Variants in UBE3D observed in about 807,000 individuals in gnomAD.
The protein encoded by UBE3D is ubiquitin protein ligase E3D, also known as E3 ubiquitin-protein ligase E3D.
Under a neutral mutation model 49.6 loss-of-function variants are expected in UBE3D, and 48 were observed. The ratio of observed to expected loss-of-function variants is 0.97; its 90% CI spans 0.77 to 1.23. The LOEUF is 1.23. Ranked by LOEUF, UBE3D falls within the 50% of genes most tolerant of loss-of-function variation. The pLI, the probability that UBE3D is intolerant of heterozygous loss-of-function variation, is 0.00. For missense variants in UBE3D, 452 were observed against 468.4 expected (o/e 0.96, Z 0.32); for synonymous variants, 189 against 174.2 (o/e 1.08, Z -0.67).
intron 8 of UBE3D, among the ~76,000 whole-genome samples, chr6:82,973,703 T>C (rs760078441): frequency 5.9e-5 from 9 of 152,246 alleles, no homozygotes; most frequent in Non-Finnish European, 1.2e-4. Context: ...ACACTTAAAA[T>C]GTGAGTAATC....
At chr6:83,022,746 G>A (rs1327009587) in intron 6 of UBE3D, among the ~76,000 whole-genome samples, 185 bp from the exon 7 acceptor site, 3 of 152,086 alleles carry the variant, frequency 2.0e-5, no homozygotes, top group African/African-American at 7.2e-5. Context: ...AATGTATTCA[G>A]GTTTGCTCCA....
chr6:82,936,001 T>G (rs1465319128), intron 9 of UBE3D, among the ~76,000 whole-genome samples: 1 of 152,138 alleles, frequency 6.6e-6, no homozygotes, highest in Non-Finnish European at 1.5e-5. Context: ...TTTTGTGTTT[T>G]TAAGTGGAAC....
At chr6:82,974,275 G>A (rs1777555338) in intron 8 of UBE3D, among the ~76,000 whole-genome samples, 1 of 152,108 alleles carries the variant, frequency 6.6e-6, no homozygotes, top group African/African-American at 2.4e-5. Flanking sequence ...GGTCCCTTGT[G>A]CCGAAAAGGT....
chr6:82,953,713 A>G (rs1775960937), intron 9 of UBE3D, among the ~76,000 whole-genome samples: 1 of 152,236 alleles, frequency 6.6e-6, no homozygotes, highest in Non-Finnish European at 1.5e-5. Flanking sequence ...TTGAACAAAA[A>G]CAGACATTCC....
rs113894339 is a variant in UBE3D at position 83,031,903 on chromosome 6, T to G, written c.667+6513A>C. Reference sequence around the variant, plus strand: ...TCAAACCTTGGCAAATTCCATGTGGTGACAAGCCTGTGGGTGCACAGAAGT... The same window carrying G: ...TCAAACCTTGGCAAATTCCATGTGGGGACAAGCCTGTGGGTGCACAGAAGT... On this transcript the variant is annotated intron_variant, in intron 5 of 9. Transcript: ENST00000369747. Among the ~76,000 whole-genome samples, 1,467 of 152,282 alleles carry G rather than the reference T, an allele frequency of 9.6e-3. 22 individuals carry two copies. The highest frequency in any genetic ancestry group is 0.034 in the African/African-American group (1,396 of 41,550).
chr6:83,038,970 T>C (rs546794094), intron 4 of UBE3D, among the ~76,000 whole-genome samples: 1 of 152,304 alleles, frequency 6.6e-6, no homozygotes, highest in South Asian at 2.1e-4. Context: ...AAGTTAAAAA[T>C]ATCTAGTCTG....
chr6:83,025,560 C>G (rs748535180), intron 5 of UBE3D, among the ~76,000 whole-genome samples: 1 of 151,986 alleles, frequency 6.6e-6, no homozygotes, highest in Non-Finnish European at 1.5e-5. Context: ...GACAGACTTC[C>G]GGAAAGCCAC....
intron 9 of UBE3D, among the ~76,000 whole-genome samples, chr6:82,936,910 G>A (rs1774620625): frequency 6.6e-6 from 1 of 152,150 alleles, no homozygotes; most frequent in African/African-American, 2.4e-5. Flanking sequence ...TTTAGCGCAG[G>A]AGGAATGAAA....
chr6:82,945,137 G>A (rs946841263), intron 9 of UBE3D, among the ~76,000 whole-genome samples: 2 of 152,202 alleles, frequency 1.3e-5, no homozygotes, highest in Non-Finnish European at 2.9e-5. Flanking sequence ...GCCAAGTATT[G>A]GTTACAGTGG....
chr6:83,047,017 CTG>C (rs1337296552), intron 3 of UBE3D, among the ~76,000 whole-genome samples: 1 of 152,196 alleles, frequency 6.6e-6, no homozygotes, highest in Non-Finnish European at 1.5e-5. Flanking sequence ...TGTATTTCTA[CTG>C]TCTTACATTG....
chr6:83,014,370 C>T (rs1202318255), intron 8 of UBE3D, among the ~76,000 whole-genome samples: 1 of 152,168 alleles, frequency 6.6e-6, no homozygotes, highest in Non-Finnish European at 1.5e-5. Context: ...TTCCATTTGG[C>T]CTTTCCCACC....
chr6:82,970,781 G>A (rs977670726), intron 8 of UBE3D, among the ~76,000 whole-genome samples: 1 of 152,148 alleles, frequency 6.6e-6, no homozygotes, highest in African/African-American at 2.4e-5. Context: ...AGAGATTGCA[G>A]TGAGTCAAGG....
At chr6:83,006,311 C>T (rs575554093) in intron 8 of UBE3D, among the ~76,000 whole-genome samples, 4 of 152,262 alleles carry the variant, frequency 2.6e-5, no homozygotes, top group South Asian at 4.2e-4. Flanking sequence ...AGCCCTAACC[C>T]CAATGTCCTT....
intron 9 of UBE3D, among the ~76,000 whole-genome samples, chr6:82,928,206 C>A (rs941391405): frequency 6.6e-6 from 1 of 151,826 alleles, no homozygotes; most frequent in Non-Finnish European, 1.5e-5. Flanking sequence ...AAAACTGCTA[C>A]AAAAATATGC....
chr6:82,939,347 T>C (rs754904991), intron 9 of UBE3D, among the ~76,000 whole-genome samples: 3 of 152,222 alleles, frequency 2.0e-5, no homozygotes, highest in Non-Finnish European at 2.9e-5. Context: ...AAAATATGTA[T>C]TGTTTTGCTA....
At chr6:83,026,793 G>C (rs1204213707) in intron 5 of UBE3D, among the ~76,000 whole-genome samples, 1 of 152,008 alleles carries the variant, frequency 6.6e-6, no homozygotes, top group Non-Finnish European at 1.5e-5. Flanking sequence ...CTGGGCTTAA[G>C]TGATCCTTCC....
intron 9 of UBE3D, among the ~76,000 whole-genome samples, chr6:82,911,971 C>T (rs944210646): frequency 6.6e-6 from 1 of 152,144 alleles, no homozygotes; most frequent in Admixed American, 6.5e-5. Flanking sequence ...TGACACTGGA[C>T]TTTCTTCCTG....
At chr6:82,886,376 A>T in the UBE3D span, among the ~76,000 whole-genome samples, 22 of 152,232 alleles carry the variant, frequency 1.4e-4, no homozygotes, top group Admixed American at 6.5e-4. Flanking sequence ...TTCACCTCCT[A>T]TGGGAATCTA....
At chr6:83,038,333 T>C in intron 5 of UBE3D, 83 bp downstream of exon 5, 1 of 1,111,968 alleles carries the variant, frequency 9.0e-7, no homozygotes, top group Non-Finnish European at 1.3e-6. Context: ...TCATCTATCT[T>C]TCCTATATAT....
Sources: gnomAD v4.1 joint callset for allele counts (sites outside exome capture counted in the v4.1 genomes callset) on GRCh38, gnomAD v4.1.1 for gene constraint, MANE v1.5 for transcripts, NCBI Gene and HGNC (gene_info 2026-07-23, HGNC 2026-07-21) for gene names.